The following FYCO1 variants were observed in gnomAD, a reference collection of about 807,000 sequenced individuals.
FYCO1 encodes FYVE and coiled-coil domain-containing protein 1.
In FYCO1, 122 loss-of-function variants were observed where a neutral mutation model predicts 165.1. That is an observed-to-expected ratio of 0.74 (90% CI 0.64 to 0.86). The LOEUF (loss-of-function observed/expected upper bound fraction) is 0.86. FYCO1 is among the 40% of genes least tolerant of loss of function. The pLI is 0.00. For missense variants in FYCO1, 1,702 were observed against 1,810.3 expected (o/e 0.94, Z 1.09); for synonymous variants, 648 against 742.5 (o/e 0.87, Z 2.07).
intron 1 of FYCO1, among the ~76,000 whole-genome samples, chr3:45,986,052 C>A (rs1225096769): frequency 6.6e-6 from 1 of 152,226 alleles, no homozygotes; most frequent in African/African-American, 2.4e-5. Context: ...CTCACAATCA[C>A]CCTGGTGGAG....
rs370100722 is a variant in FYCO1 at position 45,967,158 on chromosome 3, G to A, written c.2176C>T (p.Arg726Trp). ...VEQCQQLAEARHRELRALESQ... is the reference protein window; with the variant it reads ...VEQCQQLAEAWHRELRALESQ... ...TCGAGAGCCCTAAGCTCTCTGTGCC[G>A]GGCTTCTGCCAGTTGCTGGCACTGC... The change falls in exon 8 of 18, where the codon CGG (arginine) becomes TGG (tryptophan). Residue 726 changes from arginine to tryptophan, a missense_variant. By Grantham distance (101) the Arg-to-Trp change is moderately radical (BLOSUM62 -3). Transcript: ENST00000296137. 69 of 1,613,240 alleles carry A rather than the reference G, an allele frequency of 4.3e-5. No individual in the cohort carries two copies. Among genetic ancestry groups the A allele is most frequent in the African/African-American group, 1.1e-4 (8 of 75,026 alleles).
chr3:45,965,358 GCTAT>G (rs1248778151), intron 8 of FYCO1, among the ~76,000 whole-genome samples: 2 of 152,230 alleles, frequency 1.3e-5, no homozygotes, highest in Non-Finnish European at 1.5e-5. Context: ...GAAAAAGTTG[GCTAT>G]AAGCCACATG....
chr3:45,981,652 T>A lies in FYCO1; in HGVS notation c.80A>T (p.Glu27Val), dbSNP rs1559467012. Residue 27 changes from glutamate to valine, a missense_variant, in exon 3 of 18, where the codon GAA (glutamate) becomes GTA (valine). Physicochemically the swap from Glu to Val is moderately radical, Grantham distance 121. Coordinates refer to ENST00000296137, the MANE Select transcript of FYCO1 (RefSeq NM_024513.4). ...GATGGGTTCCCCTGCTTCCTGAAATTCTTTGCTTAGTTCTGTCACAGCATC... is the reference window on the plus strand; with the variant it reads ...GATGGGTTCCCCTGCTTCCTGAAATACTTTGCTTAGTTCTGTCACAGCATC... ...LQDAVTELSK[E>V]FQEAGEPITD... is the part of the protein sequence containing the mutation. 6.2e-7 allele frequency: 1 copy of A among 1,613,820 alleles called. No individual in the cohort carries two copies. Among genetic ancestry groups the A allele is most frequent in the Non-Finnish European group, 8.5e-7 (1 of 1,179,648 alleles).
chr3:45,981,706 C>A, intron 2 of FYCO1, 30 bp from the exon 3 acceptor site: 2 of 1,422,972 alleles, frequency 1.4e-6, no homozygotes, highest in Non-Finnish European at 2.0e-6. Context: ...AACATGTAAC[C>A]AGATAGTGAC....
intron 6 of FYCO1, among the ~76,000 whole-genome samples, chr3:45,970,990 A>G (rs1311019285): frequency 6.6e-6 from 1 of 152,176 alleles, no homozygotes; most frequent in African/African-American, 2.4e-5. Flanking sequence ...TGAAAGGGGA[A>G]CAAAGGAGAA....
intron 14 of FYCO1, chr3:45,947,572 T>C: frequency 7.7e-7 from 1 of 1,304,028 alleles, no homozygotes; most frequent in South Asian, 1.3e-5. Flanking sequence ...GCCCTCTTGA[T>C]GTGGTGAGGC....
chr3:45,921,934 T>C, intron 17 of FYCO1, 94 bp from the exon 18 acceptor site: 1 of 796,780 alleles, frequency 1.3e-6, no homozygotes. Flanking sequence ...GTCACTGCAG[T>C]GACCTGGCTG....
Position 45,936,447 on chromosome 3 carries a change from C to T in FYCO1, c.4040+1G>A, listed in dbSNP as rs1703893531. 13 of 1,610,826 alleles carry T rather than the reference C, an allele frequency of 8.1e-6. No homozygotes were observed. Among genetic ancestry groups the T allele is most frequent in the Middle Eastern group, 1.7e-4 (1 of 6,058 alleles). Reference sequence around the variant, plus strand: ...GGGCCCAGGCAGCAGTTGCCACTTACATCAGTTCTCCAGACTTCAGCAGGC... The same window carrying T: ...GGGCCCAGGCAGCAGTTGCCACTTATATCAGTTCTCCAGACTTCAGCAGGC... On this transcript the variant is annotated splice_donor_variant, in intron 15 of 17. Transcript: ENST00000296137. LOFTEE classifies it high-confidence loss of function.
At chr3:45,949,365 A>G (rs1416754988) in intron 14 of FYCO1, among the ~76,000 whole-genome samples, 2 of 152,230 alleles carry the variant, frequency 1.3e-5, no homozygotes, top group Admixed American at 1.3e-4. Flanking sequence ...CACTTCTGAC[A>G]GAGGGGCCAC....
Position 45,985,013 on chromosome 3 carries a change from A to G in FYCO1, c.-103T>C. 1 of 1,079,112 alleles carries G rather than the reference A, an allele frequency of 9.3e-7. No homozygotes were observed. Among genetic ancestry groups the G allele is most frequent in the Non-Finnish European group, 1.4e-6 (1 of 692,886 alleles). 66.8% of individuals were successfully genotyped at this position (1,079,112 alleles called of 1,614,324 possible). ...GTCTGCTCAGCAGTGGTCAGACTCC[A>G]TGGTGGCACCTGCACAGAGGAAGGG... On this transcript the variant is annotated 5_prime_UTR_variant, in exon 2 of 18. The change abolishes an upstream ATG in the 5' untranslated region. Coordinates refer to ENST00000296137, the MANE Select transcript of FYCO1 (RefSeq NM_024513.4).
chr3:45,942,116 A>C (rs993878887), intron 14 of FYCO1, among the ~76,000 whole-genome samples: 5 of 152,224 alleles, frequency 3.3e-5, no homozygotes, highest in African/African-American at 1.2e-4. Context: ...GAATTCATTC[A>C]AAAAGGCCTG....
chr3:45,974,865 T>C (rs1706654586), intron 5 of FYCO1, among the ~76,000 whole-genome samples: 1 of 152,148 alleles, frequency 6.6e-6, no homozygotes, highest in Non-Finnish European at 1.5e-5. Context: ...CTCAGTAGTA[T>C]TAAAAGCCCC....
At chr3:45,936,631 C>T (rs1350436205) in intron 14 of FYCO1, 88 bp from the exon 15 acceptor site, 7 of 884,414 alleles carry the variant, frequency 7.9e-6, no homozygotes, top group Non-Finnish European at 1.3e-5. Flanking sequence ...GAGTCACAGG[C>T]AGCCAAATCC....
chr3:45,976,958 G>A (rs1318677955), intron 4 of FYCO1, among the ~76,000 whole-genome samples: 1 of 152,164 alleles, frequency 6.6e-6, no homozygotes, highest in African/African-American at 2.4e-5. Flanking sequence ...CTGGTTTATT[G>A]GCTTTATAAA....
At chr3:45,968,847 T>A in intron 7 of FYCO1, 144 bp from the exon 8 acceptor site, 1 of 988,026 alleles carries the variant, frequency 1.0e-6, no homozygotes, top group Non-Finnish European at 1.5e-6. Flanking sequence ...TTCAAAAGAC[T>A]AGAATCCCTT....
chr3:45,926,825 A>G (rs1384045415), intron 16 of FYCO1, among the ~76,000 whole-genome samples: 2 of 152,184 alleles, frequency 1.3e-5, no homozygotes, highest in Non-Finnish European at 2.9e-5. Context: ...TTATCTGGGC[A>G]TGGTGGCGCA....
At chr3:45,976,590 T>A (rs951159025) in intron 4 of FYCO1, among the ~76,000 whole-genome samples, 2 of 152,084 alleles carry the variant, frequency 1.3e-5, no homozygotes, top group Non-Finnish European at 2.9e-5. Flanking sequence ...ATATTTACAG[T>A]GTGTATATGT....
At chr3:45,992,512 A>T (rs1707608619) in intron 1 of FYCO1, among the ~76,000 whole-genome samples, 1 of 152,248 alleles carries the variant, frequency 6.6e-6, no homozygotes, top group South Asian at 2.1e-4. Context: ...TGTATTATGC[A>T]ACAAAGATCA....
At chr3:45,938,362 C>A in intron 14 of FYCO1, 1 of 503,266 alleles carries the variant, frequency 2.0e-6, no homozygotes, top group Non-Finnish European at 3.6e-6. Context: ...TAGGTCATGA[C>A]CCATTTAGTG....
Sources: gnomAD v4.1 joint callset for allele counts (sites outside exome capture counted in the v4.1 genomes callset) on GRCh38, gnomAD v4.1.1 for gene constraint, MANE v1.5 for transcripts, NCBI Gene and HGNC (gene_info 2026-07-23, HGNC 2026-07-21) for gene names.